LRP1: variants seen among roughly 807,000 people sequenced by gnomAD.
The protein encoded by LRP1 is LDL receptor related protein 1, also known as prolow-density lipoprotein receptor-related protein 1.
A neutral mutation model predicts 541.5 loss-of-function variants in LRP1; 51 were observed. The observed-to-expected ratio is 0.09, with a 90% confidence interval of 0.08 to 0.12. The LOEUF is 0.12. LRP1 is among the 10% of genes least tolerant of loss of function. LRP1 has a pLI of 1.00. For synonymous variants in LRP1, 2,219 were observed against 2,470.8 expected, an observed-to-expected ratio of 0.90 and a Z score of 3.02; for missense variants, 3,878 against 6,376.2, an observed-to-expected ratio of 0.61 and a Z score of 13.34.
intron 6 of LRP1, chr12:57,149,814 C>T (rs1231546009): frequency 1.7e-5 from 12 of 698,412 alleles, no homozygotes; most frequent in East Asian, 5.4e-5. Context: ...TTTAGCAGAG[C>T]TTCTGCCAGG....
intron 15 of LRP1, 40 bp downstream of exon 15, chr12:57,163,023 C>A: frequency 6.4e-7 from 1 of 1,572,208 alleles, no homozygotes; most frequent in Non-Finnish European, 8.6e-7. Context: ...GAAGCAGACC[C>A]CATCAGGAGG....
Position 57,184,843 on chromosome 12 carries a change from G to T in LRP1, c.6191G>T (p.Gly2064Val). The T allele has an allele frequency of 6.2e-7, 1 of 1,611,898 alleles. No homozygotes were observed. Among genetic ancestry groups the T allele is most frequent in the Non-Finnish European group, 8.5e-7 (1 of 1,178,176 alleles). Reference protein sequence around the residue: ...PNGISVDYQDGKLYWCDARTD... With the variant: ...PNGISVDYQDVKLYWCDARTD... ...GTGGGTGCCTCTGGCCTGTAGGATGGGAAGCTGTACTGGTGCGATGCACGG... is the reference window on the plus strand; with the variant it reads ...GTGGGTGCCTCTGGCCTGTAGGATGTGAAGCTGTACTGGTGCGATGCACGG... Residue 2064 changes from glycine to valine, a missense_variant, in exon 39 of 89, where the codon GGG becomes GTG. Around this residue, in one of 13 missense-constraint regions of LRP1, gnomAD observed 1,100 missense variants for 1,827.4 expected, o/e 0.60. Transcript: ENST00000243077. The surrounding 1 kb of genome is among the most constrained non-coding windows in gnomAD (Gnocchi z 7.8).
intron 32 of LRP1, 57 bp downstream of exon 32, chr12:57,180,536 G>A: frequency 6.2e-7 from 1 of 1,608,646 alleles, no homozygotes; most frequent in South Asian, 1.1e-5. Context: ...CAGACCTACT[G>A]GGAGACAGGG....
intron 1 of LRP1, among the ~76,000 whole-genome samples, chr12:57,129,526 C>A (rs576192824): frequency 4.6e-5 from 7 of 152,070 alleles, no homozygotes; most frequent in African/African-American, 1.7e-4. Flanking sequence ...GCAGGCAGGC[C>A]CGGGAAGGCT....
chr12:57,173,377 G>C lies in LRP1; in HGVS notation c.3346+27G>C. 3 of 1,605,282 alleles carry C rather than the reference G, an allele frequency of 1.9e-6. No homozygotes were observed. Among genetic ancestry groups the C allele is most frequent in the Non-Finnish European group, 2.6e-6 (3 of 1,174,118 alleles). On this transcript the variant is annotated intron_variant, in intron 21 of 88. Transcript: ENST00000243077. The surrounding 1 kb of genome is among the most constrained non-coding windows in gnomAD (Gnocchi z 4.7). ...TGAAGAGGATGGTTGGAGGGCGTCT[G>C]GAACAGCACAATGTGGGCAGGAGGA...
chr12:57,212,720 C>A lies in LRP1; in HGVS notation c.*165C>A. ...GTGAGCGAGCAAGCCGGCAAGCGAGCACAGTATTATTTCTCCATCCCCTCC... is the reference window on the plus strand; with the variant it reads ...GTGAGCGAGCAAGCCGGCAAGCGAGAACAGTATTATTTCTCCATCCCCTCC... On this transcript the variant is annotated 3_prime_UTR_variant, in exon 89 of 89. Transcript: ENST00000243077. This position sits in a 1 kb window ranked among gnomAD's most constrained non-coding sequence, Gnocchi z 5.0. 2.7e-6 allele frequency: 2 copies of A among 751,366 alleles called. No individual in the cohort carries two copies. The highest frequency in any genetic ancestry group is 2.1e-6 in the Non-Finnish European group (1 of 480,916). 46.5% of individuals were successfully genotyped at this position (751,366 alleles called of 1,614,324 possible).
chr12:57,197,452 T>C lies in LRP1; in HGVS notation c.9162+68T>C. 6.2e-7 allele frequency: 1 copy of C among 1,610,642 alleles called. No individual in the cohort carries two copies. The highest frequency in any genetic ancestry group is 8.5e-7 in the Non-Finnish European group (1 of 1,177,640). ...CCCAGCACAGCCTCCCTTGCAAGTC[T>C]CCCCGCTTAGGTCCAACCATCCCTC... On this transcript the variant is annotated intron_variant, in intron 57 of 88. Coordinates refer to ENST00000243077, the MANE Select transcript of LRP1 (RefSeq NM_002332.3). The surrounding 1 kb of genome is among the most constrained non-coding windows in gnomAD (Gnocchi z 4.5).
rs780451741 is a variant in LRP1, at chr12:57,183,761, T to G, written c.5795-14T>G. 13 of 1,613,432 alleles carry G rather than the reference T, an allele frequency of 8.1e-6. No homozygotes were observed. Among genetic ancestry groups the G allele is most frequent in the South Asian group, 3.3e-5 (3 of 91,090 alleles). On this transcript the variant is annotated splice_polypyrimidine_tract_variant and intron_variant, in intron 35 of 88. Transcript: ENST00000243077. This position sits in a 1 kb window ranked among gnomAD's most constrained non-coding sequence, Gnocchi z 6.1. Reference sequence around the variant, plus strand: ...CCTTATTGGGCATCCCCATGTCACCTCCTCCACCTCCAGAAAATGACACCA... The same window carrying G: ...CCTTATTGGGCATCCCCATGTCACCGCCTCCACCTCCAGAAAATGACACCA...
rs2036648501 is a variant in LRP1 at position 57,201,260 on chromosome 12, G to A, written c.10345+107G>A. On this transcript the variant is annotated intron_variant, in intron 65 of 88. Transcript: ENST00000243077. The surrounding 1 kb of genome is among the most constrained non-coding windows in gnomAD (Gnocchi z 6.4). ...AGGCTCTCAAATAACTTTAGTAGATGGGCAACACAAATTATATTGGGTGTA... is the reference window on the plus strand; with the variant it reads ...AGGCTCTCAAATAACTTTAGTAGATAGGCAACACAAATTATATTGGGTGTA... The A allele has an allele frequency of 6.6e-7, 1 of 1,520,684 alleles. No homozygotes were observed. Among genetic ancestry groups the A allele is most frequent in the African/African-American group, 1.4e-5 (1 of 73,196 alleles). 94.2% of individuals were successfully genotyped at this position (1,520,684 alleles called of 1,614,324 possible). A position where few individuals can be genotyped will look rare whatever the true frequency, so the allele number is the denominator to read the frequency against.
At position 57,209,157 on chromosome 12, in the gene LRP1, C is replaced by T. The variant is rs777524431; in HGVS notation, c.12220C>T (p.Leu4074Phe). Residue 4074 changes from leucine to phenylalanine, a missense_variant, in exon 79 of 89, where the codon CTC becomes TTC. Leu to Phe is a conservative substitution (Grantham distance 22). This residue lies in a region of LRP1 where 871 missense variants were observed against 1,212.4 expected (regional missense o/e 0.72). Transcript: ENST00000243077. ...AKLSVIGSIR[L>F]NGTDPIVAAD... ...GCTTTCAGTCATCGGCAGCATCCGGCTCAATGGCACGGACCCCATTGTGGC... is the reference window on the plus strand; with the variant it reads ...GCTTTCAGTCATCGGCAGCATCCGGTTCAATGGCACGGACCCCATTGTGGC... 1.6e-5 allele frequency: 26 copies of T among 1,613,996 alleles called. No individual in the cohort carries two copies. The highest frequency in any genetic ancestry group is 2.1e-5 in the Non-Finnish European group (25 of 1,180,010).
In LRP1 at chr12:57,185,447, G is replaced by A; in HGVS notation, c.6464-84G>A. 6.7e-7 allele frequency: 1 copy of A among 1,485,150 alleles called. No individual in the cohort carries two copies. Among genetic ancestry groups the A allele is most frequent in the East Asian group, 2.3e-5 (1 of 43,312 alleles). The allele number at this position is 1,485,150 out of a possible 1,614,324, so 92.0% of individuals were successfully genotyped here. A position where few individuals can be genotyped will look rare whatever the true frequency, so the allele number is the denominator to read the frequency against. ...TGGGAATACCGAGGCAGAGGGCAGAGCTTTCGCCAAAGCCTGGATGACAAA... is the reference window on the plus strand; with the variant it reads ...TGGGAATACCGAGGCAGAGGGCAGAACTTTCGCCAAAGCCTGGATGACAAA... On this transcript the variant is annotated intron_variant, in intron 40 of 88. Transcript: ENST00000243077. The surrounding 1 kb of genome is among the most constrained non-coding windows in gnomAD (Gnocchi z 4.9).
At position 57,162,734 on chromosome 12, in the gene LRP1, T is replaced by A. The variant is rs2035761594; in HGVS notation, c.2405-124T>A. ...CTGTGTCTCCTGTTCTTCAACATGA[T>A]CTTCTTCCTCTCCATATTTCCTCTT... On this transcript the variant is annotated intron_variant, in intron 14 of 88. Transcript: ENST00000243077. The surrounding 1 kb of genome is among the most constrained non-coding windows in gnomAD (Gnocchi z 5.2). The A allele has an allele frequency of 8.5e-7, 1 of 1,176,974 alleles. No individual in the cohort carries two copies. Among genetic ancestry groups the A allele is most frequent in the Non-Finnish European group, 1.2e-6 (1 of 838,322 alleles). The allele number at this position is 1,176,974 out of a possible 1,614,324, so 72.9% of individuals were successfully genotyped here.
chr12:57,136,367 C>G (rs1470181429), intron 1 of LRP1, among the ~76,000 whole-genome samples: 1 of 151,350 alleles, frequency 6.6e-6, no homozygotes. Context: ...CTCAGTGAGG[C>G]TCCCATCAGA....
chr12:57,144,900 T>A, intron 4 of LRP1, 72 bp from the exon 5 acceptor site: 1 of 1,456,752 alleles, frequency 6.9e-7, no homozygotes, highest in Non-Finnish European at 9.6e-7. Flanking sequence ...ATGTTGATCA[T>A]GTCTGATGAT....
Position 57,154,236 on chromosome 12 carries a change from G to T in LRP1, c.870G>T (p.Leu290=). Residue 290 remains leucine (L), a synonymous_variant, in exon 7 of 89, where the codon CTG becomes CTT. Coordinates refer to ENST00000243077, the MANE Select transcript of LRP1 (RefSeq NM_002332.3). The surrounding 1 kb of genome is among the most constrained non-coding windows in gnomAD (Gnocchi z 4.6). The stretch of plus-strand genomic sequence containing the variant: ...TGGAACAGATGGCCATCGACTGGCT[G>T]ACAGGCAACTTCTACTTTGTGGATG... ...HHVEQMAIDW[L]TGNFYFVDDI... is the part of the protein sequence containing the mutation. The T allele has an allele frequency of 1.9e-6, 3 of 1,614,162 alleles. No individual in the cohort carries two copies. The highest frequency in any genetic ancestry group is 1.7e-6 in the Non-Finnish European group (2 of 1,179,990).
At chr12:57,134,724 A>G (rs1221158035) in intron 1 of LRP1, among the ~76,000 whole-genome samples, 1 of 150,134 alleles carries the variant, frequency 6.7e-6, no homozygotes, top group Non-Finnish European at 1.5e-5. Flanking sequence ...TTTTCTTTTG[A>G]GATGGAATCT....
chr12:57,173,291 G>T lies in LRP1; in HGVS notation c.3287G>T (p.Ser1096Ile). The change falls in exon 21 of 89, where the codon AGC becomes ATC. Residue 1096 changes from serine (S) to isoleucine (I), a missense_variant. Ser to Ile is a moderately radical substitution (Grantham distance 142). This residue lies in a region of LRP1 where 320 missense variants were observed against 547.9 expected (regional missense o/e 0.58). Coordinates refer to ENST00000243077, the MANE Select transcript of LRP1 (RefSeq NM_002332.3). The surrounding 1 kb of genome is among the most constrained non-coding windows in gnomAD (Gnocchi z 4.7). The part of the protein sequence containing the change: ...TDCMDSSDEK[S>I]CEGVTHVCDP... ...TGCATGGACTCCAGCGATGAGAAGA[G>T]CTGTGAGGGAGTGACCCACGTCTGC... The T allele has an allele frequency of 6.2e-7, 1 of 1,614,142 alleles. No individual in the cohort carries two copies. The highest frequency in any genetic ancestry group is 8.5e-7 in the Non-Finnish European group (1 of 1,180,022).
At chr12:57,200,848 C>A in intron 64 of LRP1, 33 bp downstream of exon 64, 1 of 1,551,936 alleles carries the variant, frequency 6.4e-7, no homozygotes, top group Non-Finnish European at 8.8e-7. Flanking sequence ...TCCCTCCTTC[C>A]CCAGCATCTT....
intron 58 of LRP1, 60 bp from the exon 59 acceptor site, chr12:57,198,096 A>T: frequency 6.9e-7 from 1 of 1,447,258 alleles, no homozygotes. Context: ...AGCCTCACAG[A>T]GGCTTGCAGG....
Sources: allele counts gnomAD v4.1 joint callset (sites outside exome capture counted in the v4.1 genomes callset), GRCh38; gene constraint gnomAD v4.1.1; regional missense constraint gnomAD v4.1.1; non-coding constraint Gnocchi (gnomAD v3.1); transcripts MANE v1.5; gene names NCBI Gene and HGNC (gene_info 2026-07-23, HGNC 2026-07-21).